C5: variants seen among roughly 807,000 people sequenced by gnomAD.
The protein encoded by C5 is C3 and PZP-like alpha-2-macroglobulin domain-containing protein 4.
A neutral mutation model predicts 218.8 loss-of-function variants in C5; 140 were observed. The observed-to-expected ratio is 0.64, with a 90% CI of 0.56 to 0.74. The LOEUF (loss-of-function observed/expected upper bound fraction) is 0.74. Among genes scored for constraint, C5 ranks in the 30% least tolerant of loss-of-function variants. The pLI, the probability that C5 is intolerant of heterozygous loss-of-function variation, is 0.00. For synonymous variants in C5, 614 were observed against 682.3 expected (o/e 0.90, Z 1.56); for missense variants, 1,700 against 1,969.6 (o/e 0.86, Z 2.59).
the C5 span, among the ~76,000 whole-genome samples, chr9:121,063,082 G>A: frequency 2.7e-5 from 4 of 148,222 alleles, no homozygotes; most frequent in South Asian, 2.2e-4. Flanking sequence ...TCTCTCTCTC[G>A]TCTCCTTCTG....
chr9:121,017,101 T>A (rs565524628), intron 14 of C5, among the ~76,000 whole-genome samples: 1 of 152,320 alleles, frequency 6.6e-6, no homozygotes, highest in South Asian at 2.1e-4. Context: ...CTCCAAAGTA[T>A]TCTGATAGTA....
intron 20 of C5, among the ~76,000 whole-genome samples, chr9:121,005,068 A>G (rs1351767489): frequency 1.3e-5 from 2 of 152,208 alleles, no homozygotes; most frequent in Non-Finnish European, 2.9e-5. Flanking sequence ...CTGAAATTCT[A>G]ATCTCTAAGA....
rs747468525 is a variant in C5, at chr9:121,025,577, T to C, written c.877A>G (p.Ile293Val). Reference sequence around the variant, plus strand: ...AATGTGACTTGAGCAATTCCATTTATCAACTTTTTAAAAGGAGAAAAAGGA... The same window carrying C: ...AATGTGACTTGAGCAATTCCATTTACCAACTTTTTAAAAGGAGAAAAAGGA... Reference protein sequence around the residue: ...MQTAMQNTMLINGIAQVTFDS... With the variant: ...MQTAMQNTMLVNGIAQVTFDS... The change falls in exon 9 of 41, where the codon ATA (isoleucine) becomes GTA (valine). Residue 293 changes from isoleucine (I) to valine (V), a missense_variant. Ile to Val is a conservative substitution (Grantham distance 29). Transcript: ENST00000223642. 5.0e-6 allele frequency: 8 copies of C among 1,612,100 alleles called. No individual in the cohort carries two copies. The highest frequency in any genetic ancestry group is 1.7e-4 in the Middle Eastern group (1 of 6,038).
At chr9:121,073,346 C>G in the C5 span, among the ~76,000 whole-genome samples, 6 of 152,174 alleles carry the variant, frequency 3.9e-5, no homozygotes, top group Admixed American at 1.3e-4. Flanking sequence ...CACCTCCCTA[C>G]TCCTTGCCTA....
intron 36 of C5, 32 bp from the exon 37 acceptor site, chr9:120,961,597 G>A (rs1353037713): frequency 7.3e-7 from 1 of 1,371,254 alleles, no homozygotes; most frequent in Admixed American, 1.7e-5. Context: ...TAAGAGAAGT[G>A]GTTTGATTGA....
At chr9:121,025,356 T>G in intron 9 of C5, 98 bp downstream of exon 9, 3 of 1,269,706 alleles carry the variant, frequency 2.4e-6, no homozygotes, top group Non-Finnish European at 3.1e-6. Flanking sequence ...GTGAAATAAT[T>G]ATAGAAATTG....
chr9:121,044,075 C>T (rs2047604353), intron 2 of C5, among the ~76,000 whole-genome samples: 1 of 152,038 alleles, frequency 6.6e-6, no homozygotes. Context: ...ATTAGCTATG[C>T]GAAATTATTG....
At chr9:120,952,934 T>G in intron 40 of C5, 66 bp from the exon 41 acceptor site, 1 of 1,574,518 alleles carries the variant, frequency 6.4e-7, no homozygotes. Flanking sequence ...ATTTCTTTAT[T>G]TTTTTTTGAG....
chr9:120,981,649 A>C (rs1253408746), intron 27 of C5, among the ~76,000 whole-genome samples, 195 bp downstream of exon 27: 1 of 152,228 alleles, frequency 6.6e-6, no homozygotes, highest in East Asian at 1.9e-4. Flanking sequence ...ACTGCCGATG[A>C]GTAGGTTGGA....
intron 3 of C5, among the ~76,000 whole-genome samples, chr9:121,042,114 T>C (rs2047586810): frequency 6.6e-6 from 1 of 152,224 alleles, no homozygotes; most frequent in Non-Finnish European, 1.5e-5. Context: ...TGAAATTCCA[T>C]AGCCTCTCCT....
chr9:121,031,950 G>A (rs1264273402), intron 6 of C5, among the ~76,000 whole-genome samples, 163 bp downstream of exon 6: 1 of 152,110 alleles, frequency 6.6e-6, no homozygotes, highest in East Asian at 1.9e-4. Context: ...TGTAATCCCA[G>A]CTACTTGGGA....
At chr9:121,057,001 A>G in the C5 span, among the ~76,000 whole-genome samples, 12 of 152,326 alleles carry the variant, frequency 7.9e-5, no homozygotes, top group Middle Eastern at 3.4e-3. Flanking sequence ...AAAAGAAACA[A>G]GTAACATAAA....
chr9:120,967,686 T>C (rs2046879001), intron 33 of C5, among the ~76,000 whole-genome samples: 1 of 152,090 alleles, frequency 6.6e-6, no homozygotes, highest in South Asian at 2.1e-4. Context: ...CAAAAGTATA[T>C]ACATATTTTC....
At chr9:120,974,734 T>G in intron 30 of C5, 45 bp downstream of exon 30, 1 of 1,521,504 alleles carries the variant, frequency 6.6e-7, no homozygotes, top group South Asian at 1.1e-5. Context: ...ATGATTTCAA[T>G]GGTCTCAGCC....
intron 20 of C5, among the ~76,000 whole-genome samples, chr9:121,000,790 A>G (rs1459161273): frequency 2.0e-5 from 3 of 152,216 alleles, no homozygotes; most frequent in Admixed American, 6.5e-5. Flanking sequence ...GGTAATAAGC[A>G]TAGTACCTAA....
the C5 span, among the ~76,000 whole-genome samples, chr9:121,073,220 A>C: frequency 1.6e-3 from 245 of 152,192 alleles, 6 homozygotes; most frequent in Middle Eastern, 3.4e-3. Context: ...ATGTTTCCAT[A>C]CTCATGTTTT....
chr9:120,955,520 A>G (rs1716520802), intron 39 of C5, among the ~76,000 whole-genome samples: 1 of 152,226 alleles, frequency 6.6e-6, no homozygotes, highest in African/African-American at 2.4e-5. Context: ...TGCTTGTAAT[A>G]TGAACATTGG....
chr9:121,052,770 G>A (rs2047679043), upstream of C5, among the ~76,000 whole-genome samples: 1 of 152,118 alleles, frequency 6.6e-6, no homozygotes, highest in Admixed American at 6.5e-5. Context: ...TTGACACCAA[G>A]GTGCTCCTAG....
intron 3 of C5, among the ~76,000 whole-genome samples, chr9:121,041,014 T>C (rs1051353621): frequency 6.7e-6 from 1 of 149,526 alleles, no homozygotes; most frequent in Non-Finnish European, 1.5e-5. Flanking sequence ...AGTGGCGCGA[T>C]CTCACTGCAA....
Sources: gnomAD v4.1 joint callset for allele counts (sites outside exome capture counted in the v4.1 genomes callset) on GRCh38, gnomAD v4.1.1 for gene constraint, MANE v1.5 for transcripts, NCBI Gene and HGNC (gene_info 2026-07-23, HGNC 2026-07-21) for gene names.